MYO16: variants seen among roughly 807,000 people sequenced by gnomAD.
MYO16 encodes the protein myosin XVI, also known as unconventional myosin-XVI.
Under a neutral mutation model 205.3 loss-of-function variants are expected in MYO16, and 94 were observed. That is an observed-to-expected ratio of 0.46 (90% CI 0.39 to 0.54). The LOEUF (loss-of-function observed/expected upper bound fraction) is 0.54, where lower values mean the gene tolerates loss of function less well. MYO16 is among the 20% of genes least tolerant of loss of function. MYO16 has a pLI of 0.00. For synonymous variants in MYO16, 988 were observed against 954.0 expected (o/e 1.04, Z -0.66); for missense variants, 2,315 against 2,387.5 (o/e 0.97, Z 0.63).
chr13:108,887,046 A>G (rs1198744476), intron 13 of MYO16, among the ~76,000 whole-genome samples: 1 of 152,088 alleles, frequency 6.6e-6, no homozygotes, highest in African/African-American at 2.4e-5. Context: ...TTGTTAACGG[A>G]TCATTATTGA....
In MYO16 at chr13:108,903,944, T is replaced by C. The variant is rs529656694; in HGVS notation, c.1777+5811T>C. Reference sequence around the variant, plus strand: ...GTTTATACTTTATGGTGGATTGTTTTTCTTTAAATTATCAGCATTTAGGAA... The same window carrying C: ...GTTTATACTTTATGGTGGATTGTTTCTCTTTAAATTATCAGCATTTAGGAA... On this transcript the variant is annotated intron_variant, in intron 15 of 34. Coordinates refer to ENST00000457511, the MANE Select transcript of MYO16 (RefSeq NM_001198950.3). Among the ~76,000 whole-genome samples, 9 of 152,336 alleles carry C rather than the reference T, an allele frequency of 5.9e-5. No homozygotes were observed. The East Asian group carries it at 1.7e-3, about 29-fold the overall frequency.
At chr13:108,554,737 C>T in the MYO16 span, among the ~76,000 whole-genome samples, 2 of 150,560 alleles carry the variant, frequency 1.3e-5, no homozygotes, top group African/African-American at 4.9e-5. Context: ...GTAGTCCCAG[C>T]TACTCGGGAG....
At chr13:108,745,968 A>G (rs900368314) in intron 4 of MYO16, among the ~76,000 whole-genome samples, 9 of 152,232 alleles carry the variant, frequency 5.9e-5, no homozygotes, top group South Asian at 2.1e-4. Context: ...CGGGCAGATC[A>G]CGAGGTCAGG....
At chr13:108,992,032 C>G (rs1199649775) in intron 20 of MYO16, among the ~76,000 whole-genome samples, 3 of 152,084 alleles carry the variant, frequency 2.0e-5, no homozygotes, top group Non-Finnish European at 4.4e-5. Flanking sequence ...ACACTATCAA[C>G]AGAGTAAATA....
chr13:108,731,652 C>G (rs1020169775), intron 4 of MYO16, among the ~76,000 whole-genome samples: 3 of 152,132 alleles, frequency 2.0e-5, no homozygotes, highest in African/African-American at 7.2e-5. Flanking sequence ...CAGAATAATC[C>G]AACCTAATAT....
chr13:108,964,836 GT>G lies in MYO16; in HGVS notation c.2304del (p.Arg769ValfsTer7). ...FRDLLAKSLY[S>X]RLFSFLVNTM... ...GACCTCTTGGCCAAGTCCCTGTACAGTCGTTTGTTTAGCTTTTTGGTGAATA... is the reference window on the plus strand; with the variant it reads ...GACCTCTTGGCCAAGTCCCTGTACAGCGTTTGTTTAGCTTTTTGGTGAATA... On this transcript the variant is annotated frameshift_variant, in exon 20 of 35. Coordinates refer to ENST00000457511, the MANE Select transcript of MYO16 (RefSeq NM_001198950.3). LOFTEE classifies it high-confidence loss of function. The G allele has an allele frequency of 6.2e-7, 1 of 1,614,100 alleles. No individual in the cohort carries two copies.
Position 109,140,358 on chromosome 13 carries a change from C to T in MYO16, c.4146C>T (p.Ser1382=). The change falls in exon 32 of 35, where the codon AGC becomes AGT. Residue 1382 remains serine, a synonymous_variant. Coordinates refer to ENST00000457511, the MANE Select transcript of MYO16 (RefSeq NM_001198950.3). The surrounding 1 kb of genome is among the most constrained non-coding windows in gnomAD (Gnocchi z 8.0). The part of the protein sequence containing the change: ...KPKRSPNTKL[S]GSYEEISGSR... ...AGCGCAGCCCCAACACCAAGCTCAGCGGCTCCTACGAGGAGATATCGGGGT... is the reference window on the plus strand; with the variant it reads ...AGCGCAGCCCCAACACCAAGCTCAGTGGCTCCTACGAGGAGATATCGGGGT... 6.2e-7 allele frequency: 1 copy of T among 1,602,924 alleles called. No individual in the cohort carries two copies. The highest frequency in any genetic ancestry group is 1.1e-5 in the South Asian group (1 of 91,070).
intron 28 of MYO16, among the ~76,000 whole-genome samples, chr13:109,103,652 A>G (rs759032726): frequency 2.0e-4 from 30 of 152,338 alleles, no homozygotes; most frequent in Admixed American, 1.1e-3. Context: ...CAGACCCTGT[A>G]GAAGGAAAGC....
At chr13:109,099,748 T>C (rs901513603) in intron 27 of MYO16, among the ~76,000 whole-genome samples, 2 of 152,166 alleles carry the variant, frequency 1.3e-5, no homozygotes, top group African/African-American at 4.8e-5. Flanking sequence ...TGGCTGTCCA[T>C]GAGACATGTC....
At chr13:108,831,391 G>A (rs968652257) in intron 9 of MYO16, among the ~76,000 whole-genome samples, 1 of 152,162 alleles carries the variant, frequency 6.6e-6, no homozygotes, top group Admixed American at 6.5e-5. Flanking sequence ...AGGGCTTCAA[G>A]GAATTAAAAA....
chr13:109,035,618 A>G (rs1886691991), intron 23 of MYO16, among the ~76,000 whole-genome samples: 1 of 152,200 alleles, frequency 6.6e-6, no homozygotes, highest in Admixed American at 6.6e-5. Flanking sequence ...TGGGAGGCAG[A>G]GGTTGCAGTG....
intron 1 of MYO16, among the ~76,000 whole-genome samples, chr13:108,622,748 A>T (rs540928437): frequency 2.1e-4 from 32 of 152,052 alleles, no homozygotes; most frequent in Non-Finnish European, 3.7e-4. Flanking sequence ...AGAGATTCTG[A>T]TGGGAAACAT....
intron 23 of MYO16, among the ~76,000 whole-genome samples, chr13:109,037,693 G>A (rs1316916923): frequency 6.6e-6 from 1 of 151,916 alleles, no homozygotes; most frequent in Non-Finnish European, 1.5e-5. Context: ...GAGAAAGAAT[G>A]GGAGAGATAG....
At chr13:108,598,729 A>C (rs532373652) in intron 1 of MYO16, among the ~76,000 whole-genome samples, 1 of 152,320 alleles carries the variant, frequency 6.6e-6, no homozygotes, top group African/African-American at 2.4e-5. Flanking sequence ...ATTCATTGGA[A>C]CATAAAACTG....
chr13:108,907,376 G>A (rs1881038476), intron 15 of MYO16, among the ~76,000 whole-genome samples: 1 of 152,130 alleles, frequency 6.6e-6, no homozygotes, highest in African/African-American at 2.4e-5. Context: ...AAGTATTTCT[G>A]ACATAAAAGA....
intron 29 of MYO16, among the ~76,000 whole-genome samples, chr13:109,122,619 G>A (rs1002736788): frequency 4.0e-5 from 6 of 151,454 alleles, no homozygotes; most frequent in African/African-American, 7.3e-5. Context: ...CAGAGGTTGC[G>A]GTGAGCCAAG....
chr13:109,127,133 AG>A lies in MYO16; in HGVS notation c.3783-148del, dbSNP rs1478250301. The A allele has an allele frequency of 9.3e-7, 1 of 1,074,926 alleles. No homozygotes were observed. The highest frequency in any genetic ancestry group is 3.0e-5 in the Admixed American group (1 of 33,738). 66.6% of individuals were successfully genotyped at this position (1,074,926 alleles called of 1,614,324 possible). A position where few individuals can be genotyped will look rare whatever the true frequency, so the allele number is the denominator to read the frequency against. On this transcript the variant is annotated intron_variant, in intron 30 of 34. Transcript: ENST00000457511. The surrounding 1 kb of genome is among the most constrained non-coding windows in gnomAD (Gnocchi z 4.2). ...GCCTTCTCTGGACCAACTGGTCACCAGAGGGCTGCACACGTCCTCCAGCCAC... is the reference window on the plus strand; with the variant it reads ...GCCTTCTCTGGACCAACTGGTCACCAAGGGCTGCACACGTCCTCCAGCCAC...
intron 2 of MYO16, among the ~76,000 whole-genome samples, chr13:108,690,312 C>A (rs1030565871): frequency 1.9e-4 from 10 of 52,032 alleles, no homozygotes; most frequent in South Asian, 6.6e-4. Context: ...CTGCTATTTT[C>A]TTTTGCACGT....
chr13:108,898,290 G>A (rs1880528609), intron 15 of MYO16, among the ~76,000 whole-genome samples, 157 bp downstream of exon 15: 2 of 150,698 alleles, frequency 1.3e-5, no homozygotes, highest in Admixed American at 6.6e-5. Flanking sequence ...AGATACTTCT[G>A]GAAAGTTTGT....
Sources: allele counts gnomAD v4.1 joint callset (sites outside exome capture counted in the v4.1 genomes callset), GRCh38; gene constraint gnomAD v4.1.1; non-coding constraint Gnocchi (gnomAD v3.1); transcripts MANE v1.5; gene names NCBI Gene and HGNC (gene_info 2026-07-23, HGNC 2026-07-21).